XYLB: variants seen among roughly 807,000 people sequenced by gnomAD.
XYLB encodes xylulokinase.
XYLB carries 62 observed loss-of-function variants against 78.7 expected under a neutral mutation model. That is an observed-to-expected ratio of 0.79 (90% confidence interval 0.64 to 0.97). The LOEUF (loss-of-function observed/expected upper bound fraction) is 0.97. Among genes scored for constraint, XYLB ranks in the 50% least tolerant of loss-of-function variants. The probability of loss-of-function intolerance (pLI) is 0.00; values close to 1 mark genes in which losing one functional copy is unlikely to be tolerated. For synonymous variants in XYLB, 245 were observed against 247.4 expected, an observed-to-expected ratio of 0.99 and a Z score of 0.09; for missense variants, 687 against 676.8, an observed-to-expected ratio of 1.02 and a Z score of -0.17.
At chr3:38,440,132 CT>C in the XYLB span, among the ~76,000 whole-genome samples, 108 of 152,288 alleles carry the variant, frequency 7.1e-4, no homozygotes, top group African/African-American at 2.4e-3. Context: ...TTGTATGGCC[CT>C]GCACTGACAG....
At chr3:38,359,275 G>T (rs1093689) in intron 2 of XYLB, among the ~76,000 whole-genome samples, 135,884 of 152,052 alleles carry the variant, frequency 0.89, 61,310 homozygotes, top group East Asian at 1. Context: ...GCCATTGTTT[G>T]TGGTTTAGGA....
intron 15 of XYLB, 67 bp downstream of exon 15, chr3:38,379,409 A>G: frequency 1.3e-6 from 2 of 1,505,798 alleles, no homozygotes; most frequent in Non-Finnish European, 1.8e-6. Context: ...CGCAGGGGCC[A>G]GGGCTAGTGG....
At chr3:38,388,169 G>GTTTTTTTTTTTT (rs71085320) in intron 15 of XYLB, among the ~76,000 whole-genome samples, 5 of 109,320 alleles carry the variant, frequency 4.6e-5, no homozygotes, top group African/African-American at 1.6e-4. Context: ...GTTTTTTTTT[G>GTTTTTTTTTTTT]TTTTTTTTTT....
downstream of XYLB, among the ~76,000 whole-genome samples, chr3:38,425,681 T>C (rs1310710969): frequency 1.3e-5 from 2 of 152,202 alleles, no homozygotes; most frequent in Non-Finnish European, 2.9e-5. Context: ...CTTGTGTTTC[T>C]CCAGGCCAAA....
intron 5 of XYLB, 135 bp from the exon 6 acceptor site, chr3:38,365,473 C>T: frequency 1.4e-6 from 2 of 1,467,598 alleles, no homozygotes; most frequent in Middle Eastern, 4.0e-4. Flanking sequence ...AAGGGCTGGC[C>T]CATGTGTCTC....
downstream of XYLB, among the ~76,000 whole-genome samples, chr3:38,422,343 T>A (rs1709005623): frequency 6.6e-6 from 1 of 151,962 alleles, no homozygotes; most frequent in Non-Finnish European, 1.5e-5. Flanking sequence ...TATGTGGAAA[T>A]GGGGAGAAGT....
chr3:38,437,198 G>A, the XYLB span, among the ~76,000 whole-genome samples: 6 of 151,962 alleles, frequency 3.9e-5, no homozygotes, highest in African/African-American at 1.4e-4. Flanking sequence ...AGTAGAAAAA[G>A]CATTTGATAA....
At chr3:38,368,839 G>GT (rs1435043685) in intron 8 of XYLB, among the ~76,000 whole-genome samples, 1 of 33,226 alleles carries the variant, frequency 3.0e-5, no homozygotes, top group African/African-American at 5.5e-5. Context: ...ACACCAGGAG[G>GT]TGGGGATCAG....
intron 11 of XYLB, among the ~76,000 whole-genome samples, 177 bp downstream of exon 11, chr3:38,374,679 G>C (rs999919846): frequency 1.1e-4 from 16 of 152,046 alleles, no homozygotes; most frequent in African/African-American, 3.9e-4. Flanking sequence ...TGGAGGGAGG[G>C]GATGGGGGCG....
At chr3:38,360,689 C>A (rs1483380342) in intron 3 of XYLB, among the ~76,000 whole-genome samples, 1 of 152,226 alleles carries the variant, frequency 6.6e-6, no homozygotes, top group Non-Finnish European at 1.5e-5. Flanking sequence ...CAGAGCAAAT[C>A]TTTTCCAAAC....
the XYLB span, among the ~76,000 whole-genome samples, chr3:38,435,326 A>AAC: frequency 0.061 from 9,140 of 150,176 alleles, 435 homozygotes; most frequent in East Asian, 0.19. Context: ...CAAGACCAGT[A>AAC]ACACACACAC....
At chr3:38,423,218 G>C (rs1370822595), downstream of XYLB, among the ~76,000 whole-genome samples, 3 of 151,926 alleles carry the variant, frequency 2.0e-5, no homozygotes, top group Admixed American at 6.6e-5. Context: ...GACTATAGGC[G>C]CCCACCACCA....
chr3:38,390,525 T>C (rs1363388343), intron 15 of XYLB, among the ~76,000 whole-genome samples: 7 of 152,128 alleles, frequency 4.6e-5, no homozygotes, highest in Non-Finnish European at 8.8e-5. Context: ...ATTATATTTT[T>C]TTGGAGACAA....
At chr3:38,347,292 A>T (rs1317403944) in intron 1 of XYLB, among the ~76,000 whole-genome samples, 2 of 152,226 alleles carry the variant, frequency 1.3e-5, no homozygotes, top group South Asian at 4.1e-4. Context: ...GAAGTCAGCT[A>T]CTGTAAGGCA....
chr3:38,368,168 GTTTC>G lies in XYLB; in HGVS notation c.574-12_574-9del. 6.2e-7 allele frequency: 1 copy of G among 1,613,430 alleles called. No homozygotes were observed. Among genetic ancestry groups the G allele is most frequent in the Non-Finnish European group, 8.5e-7 (1 of 1,179,436 alleles). Reference sequence around the variant, plus strand: ...ATGTGGAAGTGAGGCACCTCTCACTGTTTCTTTCCTTTACAGAGAATTTCTTTGG... The same window carrying G: ...ATGTGGAAGTGAGGCACCTCTCACTGTTTCCTTTACAGAGAATTTCTTTGG... On this transcript the variant is annotated splice_polypyrimidine_tract_variant and intron_variant, in intron 7 of 18. Transcript: ENST00000207870.
chr3:38,384,738 T>C (rs542339475), intron 15 of XYLB, among the ~76,000 whole-genome samples: 320 of 152,324 alleles, frequency 2.1e-3, no homozygotes, highest in African/African-American at 7.5e-3. Context: ...CTGTGTTAGA[T>C]TGAATCATAC....
chr3:38,382,261 G>A (rs769616660), intron 15 of XYLB, among the ~76,000 whole-genome samples: 3 of 152,074 alleles, frequency 2.0e-5, no homozygotes, highest in African/African-American at 4.8e-5. Flanking sequence ...TGGGAGGATC[G>A]CTTAAGCCTA....
chr3:38,392,329 G>A (rs1349874360), intron 15 of XYLB, among the ~76,000 whole-genome samples: 2 of 152,066 alleles, frequency 1.3e-5, no homozygotes, highest in South Asian at 2.1e-4. Context: ...ATGGAGTTTC[G>A]CTCTTTTTGC....
At chr3:38,367,048 G>T (rs1229967174) in intron 7 of XYLB, among the ~76,000 whole-genome samples, 175 bp downstream of exon 7, 1 of 152,158 alleles carries the variant, frequency 6.6e-6, no homozygotes, top group Non-Finnish European at 1.5e-5. Context: ...AGGAGGGGAA[G>T]AATGGAATGT....
Sources: allele counts gnomAD v4.1 joint callset (sites outside exome capture counted in the v4.1 genomes callset), GRCh38; gene constraint gnomAD v4.1.1; transcripts MANE v1.5; gene names NCBI Gene and HGNC (gene_info 2026-07-23, HGNC 2026-07-21).